MAU2: variants seen among roughly 807,000 people sequenced by gnomAD.
MAU2 encodes the protein MAU2 chromatid cohesion factor homolog.
MAU2 carries 9 observed loss-of-function variants against 89.1 expected under a neutral mutation model. The observed-to-expected ratio is 0.10, with a 90% confidence interval of 0.06 to 0.18. The LOEUF is 0.18. Among genes scored for constraint, MAU2 ranks in the 10% least tolerant of loss-of-function variants. MAU2 has a pLI of 1.00. For synonymous variants in MAU2, 357 were observed against 343.4 expected (o/e 1.04, Z -0.44); for missense variants, 425 against 803.5 (o/e 0.53, Z 5.69).
intron 1 of MAU2, among the ~76,000 whole-genome samples, chr19:19,328,500 C>T (rs1051414150): frequency 6.6e-6 from 1 of 151,592 alleles, no homozygotes; most frequent in Non-Finnish European, 1.5e-5. Context: ...CGGCTCCCTG[C>T]AAGCTCCGTC....
At position 19,356,312 on chromosome 19, in the gene MAU2, C is replaced by T. The variant is rs1378833467; in HGVS notation, c.*530C>T. 6 of 333,872 alleles carry T rather than the reference C, an allele frequency of 1.8e-5. No homozygotes were observed. The East Asian group carries it at 4.9e-4, about 27-fold the overall frequency. The allele number at this position is 333,872 out of a possible 1,614,324, so 20.7% of individuals were successfully genotyped here. The stretch of plus-strand genomic sequence containing the variant: ...ACGAAGCACAGATCCCAGCACTTTT[C>T]CCAGCTTTCTCTCCAGCATCAGTCC... On this transcript the variant is annotated 3_prime_UTR_variant, in exon 19 of 19. Transcript: ENST00000262815.
rs1392860740 is a variant in MAU2, at chr19:19,355,997, G to A, written c.*215G>A. On this transcript the variant is annotated 3_prime_UTR_variant, in exon 19 of 19. Coordinates refer to ENST00000262815, the MANE Select transcript of MAU2 (RefSeq NM_015329.4). ...CCCCCAGTGCAGAGGCTCACAGGTG[G>A]CACACAGGCGCTGTCTCTCCAGAGC... 8.9e-6 allele frequency: 6 copies of A among 675,056 alleles called. No homozygotes were observed. The East Asian group carries it at 1.1e-4, about 13-fold the overall frequency. The allele number at this position is 675,056 out of a possible 1,614,324, so 41.8% of individuals were successfully genotyped here. A position where few individuals can be genotyped will look rare whatever the true frequency, so the allele number is the denominator to read the frequency against.
chr19:19,323,088 A>G (rs1306417205), intron 1 of MAU2, among the ~76,000 whole-genome samples: 5 of 151,484 alleles, frequency 3.3e-5, no homozygotes, highest in African/African-American at 1.2e-4. Context: ...ACGGGTTCAC[A>G]GTATTGGCCA....
chr19:19,346,230 C>T (rs561127283), intron 12 of MAU2, among the ~76,000 whole-genome samples: 1 of 152,222 alleles, frequency 6.6e-6, no homozygotes, highest in Non-Finnish European at 1.5e-5. Context: ...ACTCCTCTGC[C>T]TCCTCACCTC....
At chr19:19,322,983 C>A (rs1241827028) in intron 1 of MAU2, among the ~76,000 whole-genome samples, 1 of 152,024 alleles carries the variant, frequency 6.6e-6, no homozygotes, top group Admixed American at 6.6e-5. Context: ...CTCCGTCTCC[C>A]GGGTTCAAGT....
Position 19,356,682 on chromosome 19 carries a change from TC to T in MAU2, c.*902del, listed in dbSNP as rs1424760383. The T allele has an allele frequency of 1.3e-5, 2 of 154,804 alleles. No individual in the cohort carries two copies. The highest frequency in any genetic ancestry group is 2.4e-5 in the African/African-American group (1 of 41,368). 9.6% of individuals were successfully genotyped at this position (154,804 alleles called of 1,614,324 possible). A position where few individuals can be genotyped will look rare whatever the true frequency, so the allele number is the denominator to read the frequency against. On this transcript the variant is annotated 3_prime_UTR_variant, in exon 19 of 19. Coordinates refer to ENST00000262815, the MANE Select transcript of MAU2 (RefSeq NM_015329.4). ...GAGATCTGGAGCCCAGGGACTTTCT[TC>T]CTGGCAGATCTGTGGCCTTCCCTGC...
chr19:19,349,131 T>C (rs376600080), intron 14 of MAU2, 24 bp from the exon 15 acceptor site: 6 of 1,613,476 alleles, frequency 3.7e-6, no homozygotes, highest in Non-Finnish European at 5.1e-6. Context: ...CACCACCCCA[T>C]GTGATACTGC....
chr19:19,358,398 C>T lies in MAU2; in HGVS notation c.*2616C>T, dbSNP rs796510267. ...GTCCCTGTAGTCACCTGCCGGTGGG[C>T]GAGGATCCTCTCCCTGGGATAAGCA... On this transcript the variant is annotated 3_prime_UTR_variant, in exon 19 of 19. Coordinates refer to ENST00000262815, the MANE Select transcript of MAU2 (RefSeq NM_015329.4). The T allele has an allele frequency of 6.6e-5, 10 of 152,226 alleles. No homozygotes were observed. The highest frequency in any genetic ancestry group is 2.4e-4 in the African/African-American group (10 of 41,534). The allele number at this position is 152,226 out of a possible 1,614,324, so 9.4% of individuals were successfully genotyped here.
intron 5 of MAU2, chr19:19,339,675 T>C (rs940314533): frequency 6.7e-6 from 1 of 150,334 alleles, no homozygotes; most frequent in African/African-American, 2.4e-5. Flanking sequence ...GCATGAGCCA[T>C]TGCACCCAAC....
At chr19:19,328,831 C>T (rs773895105) in intron 1 of MAU2, among the ~76,000 whole-genome samples, 2 of 152,092 alleles carry the variant, frequency 1.3e-5, no homozygotes, top group South Asian at 4.1e-4. Flanking sequence ...GACTAAATGC[C>T]GCCTCTCTGG....
intron 13 of MAU2, chr19:19,347,741 T>C (rs1023022017): frequency 5.7e-6 from 1 of 175,820 alleles, no homozygotes; most frequent in Non-Finnish European, 1.2e-5. Flanking sequence ...GTTGTGCTGA[T>C]GCCCCTGCAG....
At chr19:19,354,203 G>A (rs929168338) in intron 16 of MAU2, 152 bp from the exon 17 acceptor site, 2 of 660,952 alleles carry the variant, frequency 3.0e-6, no homozygotes, top group Non-Finnish European at 2.8e-6. Flanking sequence ...TGGGCTCTGA[G>A]GTAAGCATAG....
Position 19,355,881 on chromosome 19 carries a change from T to G in MAU2, c.*99T>G. On this transcript the variant is annotated 3_prime_UTR_variant, in exon 19 of 19. Coordinates refer to ENST00000262815, the MANE Select transcript of MAU2 (RefSeq NM_015329.4). ...CCCCCGAGGCGTGCTTCCTTCCTGA[T>G]TGTCTCTAGAGCTTCCAAGTCCTGG... 1 of 1,147,554 alleles carries G rather than the reference T, an allele frequency of 8.7e-7. No homozygotes were observed. Among genetic ancestry groups the G allele is most frequent in the Non-Finnish European group, 1.3e-6 (1 of 771,544 alleles). 71.1% of individuals were successfully genotyped at this position (1,147,554 alleles called of 1,614,324 possible). A position where few individuals can be genotyped will look rare whatever the true frequency, so the allele number is the denominator to read the frequency against.
At chr19:19,354,149 G>T in intron 16 of MAU2, 1 of 602,418 alleles carries the variant, frequency 1.7e-6, no homozygotes, top group Non-Finnish European at 3.0e-6. Context: ...CAGAAGTGAG[G>T]GCAGTTTGTT....
rs1461235711 is a variant in MAU2, at chr19:19,343,934, G to A, written c.1071G>A (p.Leu357=). 1 of 1,611,752 alleles carries A rather than the reference G, an allele frequency of 6.2e-7. No individual in the cohort carries two copies. The highest frequency in any genetic ancestry group is 8.5e-7 in the Non-Finnish European group (1 of 1,179,850). The change falls in exon 10 of 19, where the codon CTG becomes CTA. Residue 357 remains leucine (L), a synonymous_variant. Coordinates refer to ENST00000262815, the MANE Select transcript of MAU2 (RefSeq NM_015329.4). ...TCACGGGTCACAAGGCCACGGCGCTGCAGGAGGTAAGGCTGGAAGCAGGAG... is the reference window on the plus strand; with the variant it reads ...TCACGGGTCACAAGGCCACGGCGCTACAGGAGGTAAGGCTGGAAGCAGGAG... ...RLVTGHKATA[L]QEISQVCQLC...
rs1568663298 is a variant in MAU2 at position 19,345,407 on chromosome 19, A to G, written c.1221+38A>G. The G allele has an allele frequency of 6.2e-7, 1 of 1,602,186 alleles. No individual in the cohort carries two copies. Among genetic ancestry groups the G allele is most frequent in the Non-Finnish European group, 8.5e-7 (1 of 1,171,170 alleles). On this transcript the variant is annotated intron_variant, in intron 12 of 18. Coordinates refer to ENST00000262815, the MANE Select transcript of MAU2 (RefSeq NM_015329.4). The surrounding 1 kb of genome is among the most constrained non-coding windows in gnomAD (Gnocchi z 4.9). ...CCCTCCTTGCTGCTCGGGGCGGGCC[A>G]CACTTCTGAGTAAGGAGTCGGGCGT... is the stretch of plus-strand genomic sequence containing the variant.
Position 19,355,911 on chromosome 19 carries a change from G to A in MAU2, c.*129G>A, listed in dbSNP as rs775766618. The A allele has an allele frequency of 6.5e-6, 6 of 926,262 alleles. No individual in the cohort carries two copies. In the South Asian group the frequency reaches 6.7e-5, roughly 10 times the overall value. The allele number at this position is 926,262 out of a possible 1,614,324, so 57.4% of individuals were successfully genotyped here. A position where few individuals can be genotyped will look rare whatever the true frequency, so the allele number is the denominator to read the frequency against. Reference sequence around the variant, plus strand: ...TCTAGAGCTTCCAAGTCCTGGGAATGTGCGGGGCCAGTCCCTGCCCTCCCA... The same window carrying A: ...TCTAGAGCTTCCAAGTCCTGGGAATATGCGGGGCCAGTCCCTGCCCTCCCA... On this transcript the variant is annotated 3_prime_UTR_variant, in exon 19 of 19. Transcript: ENST00000262815.
At chr19:19,324,309 G>C (rs2061487171) in intron 1 of MAU2, among the ~76,000 whole-genome samples, 1 of 152,176 alleles carries the variant, frequency 6.6e-6, no homozygotes, top group Admixed American at 6.5e-5. Flanking sequence ...CAGGTTGATG[G>C]CAAGGAGTGC....
intron 1 of MAU2, among the ~76,000 whole-genome samples, chr19:19,331,299 A>G (rs889499839): frequency 2.6e-5 from 4 of 152,132 alleles, no homozygotes; most frequent in African/African-American, 9.7e-5. Flanking sequence ...GGAGACCGAG[A>G]CCGTCCTGGC....
Sources: allele counts gnomAD v4.1 joint callset (sites outside exome capture counted in the v4.1 genomes callset), GRCh38; gene constraint gnomAD v4.1.1; non-coding constraint Gnocchi (gnomAD v3.1); transcripts MANE v1.5; gene names NCBI Gene and HGNC (gene_info 2026-07-23, HGNC 2026-07-21).